MAD1L1: variants seen among roughly 807,000 people sequenced by gnomAD.
The protein encoded by MAD1L1 is mitotic spindle assembly checkpoint protein MAD1.
MAD1L1 carries 95 observed loss-of-function variants against 96.9 expected under a neutral mutation model. That is an observed-to-expected ratio of 0.98 (90% CI 0.83 to 1.16). The LOEUF (loss-of-function observed/expected upper bound fraction) is 1.16. MAD1L1 is among the 50% of genes most tolerant of loss of function. The pLI is 0.00. For missense variants in MAD1L1, 1,007 were observed against 954.4 expected, an observed-to-expected ratio of 1.06 and a Z score of -0.73; for synonymous variants, 473 against 396.6, an observed-to-expected ratio of 1.19 and a Z score of -2.29.
chr7:1,928,726 G>A (rs1583816713), intron 17 of MAD1L1, among the ~76,000 whole-genome samples: 1 of 152,364 alleles, frequency 6.6e-6, no homozygotes, highest in African/African-American at 2.4e-5. Context: ...GGCAGGTGGC[G>A]GCCCTGCCCA....
intron 15 of MAD1L1, among the ~76,000 whole-genome samples, chr7:1,964,441 G>A (rs527690688): frequency 6.6e-5 from 10 of 152,184 alleles, no homozygotes; most frequent in Non-Finnish European, 1.3e-4. Flanking sequence ...TTTGTGCACC[G>A]AAGGGGTGCG....
At chr7:2,076,783 G>A (rs1365756900) in intron 11 of MAD1L1, among the ~76,000 whole-genome samples, 1 of 152,064 alleles carries the variant, frequency 6.6e-6, no homozygotes, top group South Asian at 2.1e-4. Context: ...ACGACATGGT[G>A]AGCTCACGGC....
intron 17 of MAD1L1, among the ~76,000 whole-genome samples, chr7:1,926,057 G>A (rs1420719407): frequency 6.6e-6 from 1 of 152,150 alleles, no homozygotes; most frequent in African/African-American, 2.4e-5. Context: ...TAAACGACCA[G>A]TATCAGGAAG....
chr7:1,921,814 G>C (rs1313820250), intron 17 of MAD1L1, among the ~76,000 whole-genome samples: 3 of 152,156 alleles, frequency 2.0e-5, no homozygotes, highest in Non-Finnish European at 4.4e-5. Flanking sequence ...TAGGGCAATT[G>C]TTTAGTGATC....
At chr7:2,156,516 C>A (rs1419355865) in intron 10 of MAD1L1, among the ~76,000 whole-genome samples, 1 of 151,682 alleles carries the variant, frequency 6.6e-6, no homozygotes, top group African/African-American at 2.4e-5. Flanking sequence ...TACCGATCAT[C>A]TGCATAAATA....
At chr7:1,864,549 G>A (rs745620303) in intron 18 of MAD1L1, among the ~76,000 whole-genome samples, 6 of 152,226 alleles carry the variant, frequency 3.9e-5, no homozygotes, top group Admixed American at 1.3e-4. Context: ...AATTTGTCAG[G>A]ACGAGGAAAT....
intron 17 of MAD1L1, among the ~76,000 whole-genome samples, chr7:1,900,007 C>A (rs1040507177): frequency 6.6e-6 from 1 of 152,222 alleles, no homozygotes; most frequent in Non-Finnish European, 1.5e-5. Flanking sequence ...GCCTGCAACA[C>A]GGACACAGGC....
chr7:2,015,608 G>C (rs1344185617), intron 12 of MAD1L1, among the ~76,000 whole-genome samples: 7 of 152,236 alleles, frequency 4.6e-5, no homozygotes, highest in Non-Finnish European at 2.9e-5. Context: ...CCTGCCCCAG[G>C]TGTGGGCCTG....
chr7:2,008,129 T>C (rs1166287584), intron 13 of MAD1L1, among the ~76,000 whole-genome samples: 1 of 152,234 alleles, frequency 6.6e-6, no homozygotes, highest in East Asian at 1.9e-4. Flanking sequence ...GTATAAATCA[T>C]ATTTCAATAA....
intron 17 of MAD1L1, among the ~76,000 whole-genome samples, chr7:1,927,624 C>G (rs1478717049): frequency 6.6e-6 from 1 of 152,160 alleles, no homozygotes; most frequent in Non-Finnish European, 1.5e-5. Flanking sequence ...CACAATTGGA[C>G]ATCCATATAA....
At chr7:1,959,103 T>A (rs557430462) in intron 15 of MAD1L1, among the ~76,000 whole-genome samples, 62 of 152,140 alleles carry the variant, frequency 4.1e-4, no homozygotes, top group South Asian at 6.2e-4. Flanking sequence ...AATAAAAAAA[T>A]TAGCCGGGCG....
chr7:1,901,572 G>A (rs1787245238), intron 17 of MAD1L1, among the ~76,000 whole-genome samples: 2 of 152,232 alleles, frequency 1.3e-5, no homozygotes, highest in South Asian at 2.1e-4. Flanking sequence ...AGCCTTCAGC[G>A]CTCCCATCCC....
At chr7:1,987,676 G>T (rs11765549) in intron 14 of MAD1L1, among the ~76,000 whole-genome samples, 50,177 of 152,138 alleles carry the variant, frequency 0.33, 9,200 homozygotes, top group East Asian at 0.57. Context: ...GCACGGCAGG[G>T]CCACGGCCGC....
rs571987618 is a variant in MAD1L1, at chr7:2,151,205, G to T, written c.987-1967C>A. On this transcript the variant is annotated intron_variant, in intron 10 of 18. Transcript: ENST00000265854. ...TTAAGTTGTTTTGCATTAATCAAAG[G>T]GGCTTGTAAATTTTCACTAACTCAG... is the stretch of plus-strand genomic sequence containing the variant. 3.9e-5 allele frequency among the ~76,000 whole-genome samples: 6 copies of T among 152,294 alleles called. No individual in the cohort carries two copies. In the South Asian group the frequency reaches 1.2e-3, roughly 32 times the overall value.
At chr7:2,153,367 G>C (rs1388725920) in intron 10 of MAD1L1, among the ~76,000 whole-genome samples, 1 of 151,978 alleles carries the variant, frequency 6.6e-6, no homozygotes, top group Non-Finnish European at 1.5e-5. Flanking sequence ...ATAATCCCAC[G>C]AAAAAGTAGG....
intron 11 of MAD1L1, among the ~76,000 whole-genome samples, chr7:2,082,668 G>C (rs1345197481): frequency 6.6e-6 from 1 of 152,192 alleles, no homozygotes; most frequent in Admixed American, 6.5e-5. Context: ...CATCAAATTA[G>C]ACAAATAGTT....
At chr7:1,827,070 A>AGTGGGGGCGCCGGCTCGGG (rs1782431179) in intron 18 of MAD1L1, among the ~76,000 whole-genome samples, 1 of 152,092 alleles carries the variant, frequency 6.6e-6, no homozygotes, top group African/African-American at 2.4e-5. Context: ...GAGCCGAGGG[A>AGTGGGGGCGCCGGCTCGGG]GTGGGGGCGC....
intron 11 of MAD1L1, among the ~76,000 whole-genome samples, chr7:2,108,893 T>C (rs936992184): frequency 6.6e-6 from 1 of 152,210 alleles, no homozygotes; most frequent in Non-Finnish European, 1.5e-5. Flanking sequence ...CCTTCTTCAC[T>C]GGCACATCTC....
chr7:1,917,348 A>G (rs999053284), intron 17 of MAD1L1, among the ~76,000 whole-genome samples: 2 of 152,168 alleles, frequency 1.3e-5, no homozygotes, highest in Non-Finnish European at 2.9e-5. Flanking sequence ...AGCCTGGGGC[A>G]TGAGGGGCCA....
Sources: gnomAD v4.1 joint callset for allele counts (sites outside exome capture counted in the v4.1 genomes callset) on GRCh38, gnomAD v4.1.1 for gene constraint, MANE v1.5 for transcripts, NCBI Gene and HGNC (gene_info 2026-07-23, HGNC 2026-07-21) for gene names.